Variants in PACSIN2 observed in about 807,000 individuals in gnomAD.
PACSIN2 encodes the protein protein kinase C and casein kinase substrate in neurons 2, also known as protein kinase C and casein kinase substrate in neurons protein 2.
Under a neutral mutation model 63.8 loss-of-function variants are expected in PACSIN2, and 25 were observed. The observed-to-expected ratio is 0.39, with a 90% CI of 0.29 to 0.55. PACSIN2 has a LOEUF of 0.55. PACSIN2 is among the 20% of genes least tolerant of loss of function. The pLI, the probability that PACSIN2 is intolerant of heterozygous loss-of-function variation, is 0.62. For missense variants in PACSIN2, 518 were observed against 646.9 expected, an observed-to-expected ratio of 0.80 and a Z score of 2.16; for synonymous variants, 255 against 256.2, an observed-to-expected ratio of 1.00 and a Z score of 0.05.
chr22:42,927,784 G>A (rs1007247116), intron 1 of PACSIN2, among the ~76,000 whole-genome samples: 3 of 151,744 alleles, frequency 2.0e-5, no homozygotes, highest in Non-Finnish European at 2.9e-5. Context: ...ATGGGGTTTC[G>A]CCATGTTGGT....
intron 6 of PACSIN2, 100 bp from the exon 7 acceptor site, chr22:42,882,404 CTG>C (rs1462351236): frequency 4.1e-5 from 56 of 1,372,092 alleles, no homozygotes; most frequent in Non-Finnish European, 5.3e-5. Context: ...TCTCTGCCCT[CTG>C]TGAGTTGGTT....
intron 1 of PACSIN2, among the ~76,000 whole-genome samples, chr22:42,928,877 T>G (rs1224071892): frequency 6.6e-6 from 1 of 152,222 alleles, no homozygotes; most frequent in African/African-American, 2.4e-5. Context: ...AAATTTGCCA[T>G]TAAACAGCAA....
chr22:42,942,720 A>C (rs1933226749), intron 1 of PACSIN2, among the ~76,000 whole-genome samples: 1 of 152,108 alleles, frequency 6.6e-6, no homozygotes, highest in East Asian at 1.9e-4. Context: ...ACTGACCATA[A>C]ATGTAGGGGT....
At chr22:42,872,878 A>T (rs1403451886) in intron 10 of PACSIN2, among the ~76,000 whole-genome samples, 4 of 152,242 alleles carry the variant, frequency 2.6e-5, no homozygotes, top group African/African-American at 9.6e-5. Flanking sequence ...GGCAGCAGCC[A>T]CGATGAACCA....
intron 1 of PACSIN2, among the ~76,000 whole-genome samples, chr22:42,965,525 C>G (rs925944484): frequency 6.6e-6 from 1 of 152,212 alleles, no homozygotes; most frequent in African/African-American, 2.4e-5. Flanking sequence ...TCCTACCCAG[C>G]GTCTGCATCT....
At chr22:42,973,492 G>C (rs187332451) in intron 1 of PACSIN2, among the ~76,000 whole-genome samples, 24 of 152,338 alleles carry the variant, frequency 1.6e-4, no homozygotes, top group African/African-American at 5.8e-4. Flanking sequence ...AAAGACTCCA[G>C]ATGCTTTCCC....
chr22:42,958,628 G>A (rs966706339), intron 1 of PACSIN2, among the ~76,000 whole-genome samples: 2 of 152,150 alleles, frequency 1.3e-5, no homozygotes, highest in South Asian at 2.1e-4. Flanking sequence ...TGATGGGCCC[G>A]ATTAAGGTCG....
At chr22:42,948,034 T>C (rs529080946) in intron 1 of PACSIN2, among the ~76,000 whole-genome samples, 6 of 152,190 alleles carry the variant, frequency 3.9e-5, no homozygotes, top group South Asian at 2.1e-4. Context: ...CGGGGACACA[T>C]AGAGGGTCCA....
intron 1 of PACSIN2, among the ~76,000 whole-genome samples, chr22:42,957,642 G>T (rs1410784605): frequency 6.6e-6 from 1 of 152,058 alleles, no homozygotes; most frequent in African/African-American, 2.4e-5. Context: ...ATATTATGTT[G>T]TATTATTTTA....
intron 1 of PACSIN2, among the ~76,000 whole-genome samples, chr22:42,922,244 C>T (rs1308323715): frequency 6.6e-6 from 1 of 152,182 alleles, no homozygotes; most frequent in Admixed American, 6.6e-5. Context: ...GCTGGCATAA[C>T]CTCCTTCCTC....
At chr22:43,006,487 A>T (rs1328213443) in intron 1 of PACSIN2, among the ~76,000 whole-genome samples, 1 of 152,194 alleles carries the variant, frequency 6.6e-6, no homozygotes, top group Non-Finnish European at 1.5e-5. Flanking sequence ...AAAGTGACAT[A>T]TTAACCTCAA....
At position 42,983,333 on chromosome 22, in the gene PACSIN2, A is replaced by AG. The variant is rs1210751987; in HGVS notation, c.-78+31687_-78+31688insC. Among the ~76,000 whole-genome samples the AG allele has an allele frequency of 6.8e-4, 102 of 149,012 alleles. 1 individual carries two copies. The highest frequency in any genetic ancestry group is 2.5e-3 in the African/African-American group (100 of 40,316). On this transcript the variant is annotated intron_variant, in intron 1 of 10. Transcript: ENST00000263246. ...CTCCATCTCAAAAAAAAAAAAAAAA[A>AG]AAAGAAACTGGCTGGGTGTGGTGGC...
chr22:42,993,895 G>A (rs558126942), intron 1 of PACSIN2: 1 of 152,222 alleles, frequency 6.6e-6, no homozygotes, highest in Admixed American at 6.5e-5. Flanking sequence ...GGTTCCTGAA[G>A]CACTCCTATG....
chr22:42,972,162 G>A (rs1334132072), intron 1 of PACSIN2, among the ~76,000 whole-genome samples: 1 of 152,248 alleles, frequency 6.6e-6, no homozygotes, highest in Non-Finnish European at 1.5e-5. Context: ...TCTGTGCTAG[G>A]AAAGATTCTT....
rs113204799 is a variant in PACSIN2 at position 42,983,447 on chromosome 22, GC to G, written c.-78+31573del. ...GGAGGTTGCAGTGAGCCGAGATTGT[GC>G]CACTGCACTCCAGCCTGGACAACAG... is the stretch of plus-strand genomic sequence containing the variant. On this transcript the variant is annotated intron_variant, in intron 1 of 10. Transcript: ENST00000263246. Among the ~76,000 whole-genome samples, 513 of 131,186 alleles carry G rather than the reference GC, an allele frequency of 3.9e-3. 3 individuals carry two copies. Among genetic ancestry groups the G allele is most frequent in the African/African-American group, 0.015 (494 of 32,974 alleles). The allele number at this position is 131,186 out of a possible 152,430, so 86.1% of individuals were successfully genotyped here. A position where few individuals can be genotyped will look rare whatever the true frequency, so the allele number is the denominator to read the frequency against.
chr22:42,978,070 A>C (rs1266463294), intron 1 of PACSIN2, among the ~76,000 whole-genome samples: 1 of 152,224 alleles, frequency 6.6e-6, no homozygotes, highest in East Asian at 1.9e-4. Flanking sequence ...GATCCAGAGT[A>C]CAACACTCAC....
Position 42,893,931 on chromosome 22 carries a change from G to A in PACSIN2, c.61-318C>T, listed in dbSNP as rs1272298871. Reference sequence around the variant, plus strand: ...GGGGTGGGGCTGAGGATGCCTAAACGGGCACCTCACGCAGACTGAGGGGCT... The same window carrying A: ...GGGGTGGGGCTGAGGATGCCTAAACAGGCACCTCACGCAGACTGAGGGGCT... On this transcript the variant is annotated intron_variant, in intron 2 of 10. Transcript: ENST00000263246. Among the ~76,000 whole-genome samples the A allele has an allele frequency of 2.6e-5, 4 of 152,102 alleles. No individual in the cohort carries two copies. In the South Asian group the frequency reaches 6.2e-4, roughly 24 times the overall value.
intron 1 of PACSIN2, among the ~76,000 whole-genome samples, chr22:42,986,575 A>ATT (rs1922626406): frequency 6.6e-6 from 1 of 152,164 alleles, no homozygotes. Flanking sequence ...GTGCACATGC[A>ATT]TGACAGTGAC....
intron 1 of PACSIN2, among the ~76,000 whole-genome samples, chr22:42,958,911 C>T (rs540306356): frequency 1.3e-5 from 2 of 152,272 alleles, no homozygotes; most frequent in Admixed American, 1.3e-4. Flanking sequence ...TACAGCACCA[C>T]AGCAATAAAG....
Sources: allele counts gnomAD v4.1 joint callset (sites outside exome capture counted in the v4.1 genomes callset), GRCh38; gene constraint gnomAD v4.1.1; transcripts MANE v1.5; gene names NCBI Gene and HGNC (gene_info 2026-07-23, HGNC 2026-07-21).